The following MED13 variants were observed in gnomAD, a reference collection of about 807,000 sequenced individuals.
MED13 encodes the protein mediator complex subunit 13, also known as mediator of RNA polymerase II transcription subunit 13.
A neutral mutation model predicts 225.2 loss-of-function variants in MED13; 23 were observed. That is an observed-to-expected ratio of 0.10 (90% CI 0.07 to 0.14). The LOEUF (loss-of-function observed/expected upper bound fraction) is 0.14. Among genes scored for constraint, MED13 ranks in the 10% least tolerant of loss-of-function variants. The probability of loss-of-function intolerance (pLI) is 1.00; values close to 1 mark genes in which losing one functional copy is unlikely to be tolerated. For missense variants in MED13, 2,197 were observed against 2,594.5 expected (o/e 0.85, Z 3.33); for synonymous variants, 942 against 889.2 (o/e 1.06, Z -1.06).
At chr17:61,959,869 C>T (rs2143336288) in intron 23 of MED13, among the ~76,000 whole-genome samples, 1 of 151,836 alleles carries the variant, frequency 6.6e-6, no homozygotes, top group South Asian at 2.1e-4. Context: ...GCTGTGACTA[C>T]AGGTGGGCCA....
Position 62,049,078 on chromosome 17 carries a change from C to CAAAAAAAAA in MED13, c.470+3450_470+3458dup, listed in dbSNP as rs890393330. Among the ~76,000 whole-genome samples, 339 of 45,252 alleles carry CAAAAAAAAA rather than the reference C, an allele frequency of 7.5e-3. 10 individuals are homozygous for CAAAAAAAAA. The highest frequency in any genetic ancestry group is 0.027 in the African/African-American group (310 of 11,460). The allele number at this position is 45,252 out of a possible 152,430, so 29.7% of individuals were successfully genotyped here. A position where few individuals can be genotyped will look rare whatever the true frequency, so the allele number is the denominator to read the frequency against. ...GGCACCACCATAACAGTAAATAAGA[C>CAAAAAAAAA]AAAAAAAAAAAAAAAAAGGAGAAAT... On this transcript the variant is annotated intron_variant, in intron 3 of 29. Transcript: ENST00000397786.
chr17:62,062,100 A>T (rs2081043315), intron 2 of MED13, among the ~76,000 whole-genome samples: 1 of 152,214 alleles, frequency 6.6e-6, no homozygotes, highest in Non-Finnish European at 1.5e-5. Context: ...GAGATACAAT[A>T]ACAAAAACTT....
intron 8 of MED13, among the ~76,000 whole-genome samples, chr17:62,015,926 A>T (rs1157305487): frequency 3.6e-4 from 2 of 5,578 alleles, no homozygotes; most frequent in East Asian, 0.012. Context: ...ATATATATAT[A>T]TATATATATA....
chr17:61,957,158 T>C (rs1398585029), intron 23 of MED13, among the ~76,000 whole-genome samples: 1 of 151,894 alleles, frequency 6.6e-6, no homozygotes, highest in Non-Finnish European at 1.5e-5. Flanking sequence ...GTGATTCTCC[T>C]GCCTCAGCCT....
At chr17:61,950,771 G>A (rs2079890069) in intron 28 of MED13, 54 bp downstream of exon 28, 1 of 1,542,834 alleles carries the variant, frequency 6.5e-7, no homozygotes, top group African/African-American at 1.4e-5. Context: ...ATATTTCTCA[G>A]GACTTAGGCT....
intron 16 of MED13, among the ~76,000 whole-genome samples, chr17:61,978,151 C>CT (rs201754153): frequency 0.1 from 14,893 of 144,686 alleles, 933 homozygotes; most frequent in South Asian, 0.32. Context: ...CAAAAACTGC[C>CT]TTTTTTTTTT....
intron 9 of MED13, among the ~76,000 whole-genome samples, chr17:62,008,336 A>AAAAAAAAAAAAAAAAAAAAAAG (rs2080474152): frequency 6.6e-6 from 1 of 150,496 alleles, no homozygotes; most frequent in Non-Finnish European, 1.5e-5. Context: ...AAAAAAAAAA[A>AAAAAAAAAAAAAAAAAAAAAAG]AAAAAAATTG....
intron 8 of MED13, among the ~76,000 whole-genome samples, chr17:62,027,435 A>T (rs2143662575): frequency 6.6e-6 from 1 of 152,324 alleles, no homozygotes; most frequent in East Asian, 1.9e-4. Context: ...TCAACTCAAG[A>T]TGGATTAAAG....
intron 3 of MED13, among the ~76,000 whole-genome samples, chr17:62,038,535 T>C (rs1005936804): frequency 6.6e-6 from 1 of 152,192 alleles, no homozygotes; most frequent in African/African-American, 2.4e-5. Flanking sequence ...TATTATAATA[T>C]GGGAAATGTT....
chr17:62,029,498 AAACT>A (rs1373899649), intron 8 of MED13, 39 bp downstream of exon 8: 11 of 1,452,258 alleles, frequency 7.6e-6, no homozygotes, highest in Non-Finnish European at 1.1e-5. Context: ...GTGGCGTAAC[AAACT>A]ATCACACATA....
intron 1 of MED13, among the ~76,000 whole-genome samples, chr17:62,064,299 C>T (rs1445197247): frequency 1.3e-5 from 2 of 152,166 alleles, no homozygotes; most frequent in Non-Finnish European, 2.9e-5. Flanking sequence ...TTCTGAAAGC[C>T]TTAACTGTTG....
intron 3 of MED13, among the ~76,000 whole-genome samples, chr17:62,049,078 C>CAAAAAAAAAAAAAA (rs890393330): frequency 0.026 from 1,174 of 44,826 alleles, 70 homozygotes; most frequent in African/African-American, 0.08. Flanking sequence ...GTAAATAAGA[C>CAAAAAAAAAAAAAA]AAAAAAAAAA....
chr17:62,052,161 C>T (rs1445771380), intron 3 of MED13, among the ~76,000 whole-genome samples: 2 of 152,156 alleles, frequency 1.3e-5, no homozygotes, highest in Non-Finnish European at 2.9e-5. Context: ...TCACAGATCA[C>T]TATCCTTAAC....
chr17:62,048,973 C>T (rs983210233), intron 3 of MED13, among the ~76,000 whole-genome samples: 6 of 150,772 alleles, frequency 4.0e-5, no homozygotes, highest in Admixed American at 6.7e-5. Flanking sequence ...TGCAATTCTG[C>T]GGTTTGACTC....
chr17:62,000,402 G>C (rs2080384065), intron 9 of MED13, among the ~76,000 whole-genome samples: 3 of 152,158 alleles, frequency 2.0e-5, no homozygotes, highest in African/African-American at 7.2e-5. Flanking sequence ...CCAACCGCCT[G>C]ATGGAATCTC....
At chr17:62,033,114 T>C (rs1016344279) in intron 5 of MED13, among the ~76,000 whole-genome samples, 8 of 151,680 alleles carry the variant, frequency 5.3e-5, no homozygotes, top group African/African-American at 1.7e-4. Context: ...GATCGCGCCA[T>C]TGCACTCCAG....
Position 61,946,432 on chromosome 17 carries a change from C to T in MED13, c.*36G>A, listed in dbSNP as rs1225385356. 1 of 1,597,336 alleles carries T rather than the reference C, an allele frequency of 6.3e-7. No individual in the cohort carries two copies. ...TCCTGCAGCGAAACATCCATTTTTC[C>T]TTGTTCTTTTCTTGCACAGTTCCAT... is the stretch of plus-strand genomic sequence containing the variant. On this transcript the variant is annotated 3_prime_UTR_variant, in exon 30 of 30. Coordinates refer to ENST00000397786, the MANE Select transcript of MED13 (RefSeq NM_005121.3).
intron 26 of MED13, 122 bp from the exon 27 acceptor site, chr17:61,953,235 G>A (rs1158398723): frequency 2.1e-6 from 2 of 948,152 alleles, no homozygotes; most frequent in African/African-American, 1.7e-5. Flanking sequence ...AACATTTACT[G>A]AGTGTCTACC....
intron 27 of MED13, among the ~76,000 whole-genome samples, chr17:61,951,220 T>C (rs2079893849): frequency 6.6e-6 from 1 of 152,230 alleles, no homozygotes; most frequent in South Asian, 2.1e-4. Flanking sequence ...ATGCCAACTG[T>C]TTAACAAGTC....
Sources: gnomAD v4.1 joint callset for allele counts (sites outside exome capture counted in the v4.1 genomes callset) on GRCh38, gnomAD v4.1.1 for gene constraint, MANE v1.5 for transcripts, NCBI Gene and HGNC (gene_info 2026-07-23, HGNC 2026-07-21) for gene names.